Variants in PCLO observed in about 807,000 individuals in gnomAD.
The protein encoded by PCLO is protein piccolo.
A neutral mutation model predicts 427.5 loss-of-function variants in PCLO; 82 were observed. That is an observed-to-expected ratio of 0.19 (90% confidence interval 0.16 to 0.23). The LOEUF is 0.23. Ranked by LOEUF, PCLO falls within the 10% of genes least tolerant of loss-of-function variation. PCLO has a pLI of 1.00. For synonymous variants in PCLO, 2,357 were observed against 2,155.4 expected, an observed-to-expected ratio of 1.09 and a Z score of -2.59; for missense variants, 6,239 against 6,115.9, an observed-to-expected ratio of 1.02 and a Z score of -0.67.
intron 1 of PCLO, among the ~76,000 whole-genome samples, chr7:83,156,664 T>C (rs910906824): frequency 1.3e-5 from 2 of 151,534 alleles, no homozygotes; most frequent in African/African-American, 4.8e-5. Context: ...AATTAGAAAA[T>C]ACTTATAATA....
rs1320515940 is a variant in PCLO, at chr7:82,908,887, T to C, written c.13427A>G (p.His4476Arg). The C allele has an allele frequency of 3.1e-6, 5 of 1,612,080 alleles. No homozygotes were observed. In the South Asian group the frequency reaches 4.4e-5, roughly 14 times the overall value. The stretch of plus-strand genomic sequence containing the variant: ...AAATATAGCACTTACTTGCTCTTGA[T>C]GTTGACTGAGTGGTCTAGAGTGGAC... ...RLVHSRPLSQ[H>R]QEQIIQMNGK... The change falls in exon 8 of 25, where the codon CAT (histidine) becomes CGT (arginine). Residue 4476 changes from histidine to arginine, a missense_variant. Transcript: ENST00000333891.
At chr7:82,854,126 C>T (rs1266128229) in intron 10 of PCLO, among the ~76,000 whole-genome samples, 1 of 152,136 alleles carries the variant, frequency 6.6e-6, no homozygotes, top group Non-Finnish European at 1.5e-5. Context: ...CATCTCCTCT[C>T]ATGGCCCTCT....
chr7:83,070,006 C>A (rs1789771728), intron 3 of PCLO, among the ~76,000 whole-genome samples: 1 of 152,082 alleles, frequency 6.6e-6, no homozygotes, highest in Non-Finnish European at 1.5e-5. Context: ...TAATGACTCA[C>A]TTCTAAGAAT....
intron 9 of PCLO, chr7:82,879,898 A>C (rs557222128): frequency 2.3e-6 from 1 of 432,462 alleles, no homozygotes; most frequent in South Asian, 1.7e-5. Context: ...TAATTTATAA[A>C]GTGAAAACAT....
Position 82,830,650 on chromosome 7 carries a change from T to C in PCLO, c.14250-2684A>G, listed in dbSNP as rs138992754. Among the ~76,000 whole-genome samples the C allele has an allele frequency of 2.6e-3, 395 of 152,118 alleles. 1 individual carries two copies. Among genetic ancestry groups the C allele is most frequent in the African/African-American group, 9.0e-3 (374 of 41,552 alleles). On this transcript the variant is annotated intron_variant, in intron 16 of 24. Transcript: ENST00000333891. The stretch of plus-strand genomic sequence containing the variant: ...AGGTTATGGAAACCATATTAAGATT[T>C]ATAATACACTGAACAGTAATAAAAT...
chr7:83,131,714 G>C (rs1308940997), intron 3 of PCLO, among the ~76,000 whole-genome samples: 1 of 151,900 alleles, frequency 6.6e-6, no homozygotes, highest in Non-Finnish European at 1.5e-5. Context: ...TGGAAGTACG[G>C]TACTAACCAG....
chr7:82,875,663 AGT>A (rs1287683804), intron 10 of PCLO, among the ~76,000 whole-genome samples: 1 of 152,100 alleles, frequency 6.6e-6, no homozygotes, highest in Non-Finnish European at 1.5e-5. Context: ...GTGCTGCAAA[AGT>A]GTTAAAATGT....
intron 22 of PCLO, among the ~76,000 whole-genome samples, chr7:82,791,102 T>G (rs1791091409): frequency 6.6e-6 from 1 of 152,174 alleles, no homozygotes; most frequent in Admixed American, 6.5e-5. Context: ...GGTAATACCT[T>G]ATTATAAAGG....
chr7:82,949,041 CAT>C (rs1373772384), intron 6 of PCLO, among the ~76,000 whole-genome samples: 1 of 152,160 alleles, frequency 6.6e-6, no homozygotes, highest in Non-Finnish European at 1.5e-5. Flanking sequence ...GGTCTAAATT[CAT>C]AGTCACCTTT....
At chr7:83,093,472 G>GTGTGTGTGTGTGTGTGTGTATATATA (rs745824155) in intron 3 of PCLO, among the ~76,000 whole-genome samples, 1 of 99,194 alleles carries the variant, frequency 1.0e-5, no homozygotes, top group African/African-American at 4.6e-5. Context: ...ATGTGTGTGT[G>GTGTGTGTGTGTGTGTGTGTATATATA]TATAGATATA....
rs748409468 is a variant in PCLO at position 82,916,523 on chromosome 7, T to C, written c.11463A>G (p.Arg3821=). 1 of 1,613,720 alleles carries C rather than the reference T, an allele frequency of 6.2e-7. No individual in the cohort carries two copies. Among genetic ancestry groups the C allele is most frequent in the Non-Finnish European group, 8.5e-7 (1 of 1,179,748 alleles). The part of the protein sequence containing the change: ...ALLKEREKRE[R]AYLQGVAEDR... ...CCTCAGCTACTCCCTGGAGGTAGGCTCGTTCTCTCTTTTCTCTCTCCTTTA... is the reference window on the plus strand; with the variant it reads ...CCTCAGCTACTCCCTGGAGGTAGGCCCGTTCTCTCTTTTCTCTCTCCTTTA... Residue 3821 remains arginine (R), a synonymous_variant, in exon 7 of 25, where the codon CGA becomes CGG. Coordinates refer to ENST00000333891, the MANE Select transcript of PCLO (RefSeq NM_033026.6).
chr7:82,981,242 T>TA (rs918139750), intron 3 of PCLO, among the ~76,000 whole-genome samples: 124 of 142,338 alleles, frequency 8.7e-4, no homozygotes, highest in Middle Eastern at 3.5e-3. Context: ...ACCTGACCAT[T>TA]AAAAAAAAAA....
At chr7:83,157,018 G>A (rs948205417) in intron 1 of PCLO, among the ~76,000 whole-genome samples, 3 of 152,096 alleles carry the variant, frequency 2.0e-5, no homozygotes, top group African/African-American at 7.2e-5. Flanking sequence ...TCCCAGGAAT[G>A]CTAAAAAGTT....
intron 2 of PCLO, among the ~76,000 whole-genome samples, chr7:83,145,498 T>C (rs1047941096): frequency 6.6e-6 from 1 of 152,154 alleles, no homozygotes; most frequent in Non-Finnish European, 1.5e-5. Flanking sequence ...TGATCTCCTA[T>C]AAAAAGGTGC....
At chr7:82,974,195 T>C (rs562927767) in intron 3 of PCLO, among the ~76,000 whole-genome samples, 22 of 152,232 alleles carry the variant, frequency 1.4e-4, no homozygotes, top group Non-Finnish European at 2.5e-4. Flanking sequence ...GAGACCAGCC[T>C]GGCCAAAATG....
chr7:82,869,798 C>T (rs544016557), intron 10 of PCLO, among the ~76,000 whole-genome samples: 9 of 151,990 alleles, frequency 5.9e-5, no homozygotes, highest in Non-Finnish European at 1.3e-4. Context: ...CTATTTAAAA[C>T]AGCTACAGTA....
chr7:83,090,076 G>A (rs2116434361), intron 3 of PCLO, among the ~76,000 whole-genome samples: 1 of 152,222 alleles, frequency 6.6e-6, no homozygotes, highest in South Asian at 2.1e-4. Context: ...AGGCCGAGGT[G>A]GACGGATCAC....
chr7:82,906,127 A>G (rs1223546144), intron 8 of PCLO, among the ~76,000 whole-genome samples: 1 of 151,886 alleles, frequency 6.6e-6, no homozygotes, highest in African/African-American at 2.4e-5. Flanking sequence ...GGACTTTAAG[A>G]TTCGGTTTAT....
At chr7:83,051,175 C>G (rs1389418340) in intron 3 of PCLO, among the ~76,000 whole-genome samples, 1 of 152,012 alleles carries the variant, frequency 6.6e-6, no homozygotes, top group African/African-American at 2.4e-5. Context: ...TTTCACCTCT[C>G]ATCACACCTA....
Sources: gnomAD v4.1 joint callset for allele counts (sites outside exome capture counted in the v4.1 genomes callset) on GRCh38, gnomAD v4.1.1 for gene constraint, MANE v1.5 for transcripts, NCBI Gene and HGNC (gene_info 2026-07-23, HGNC 2026-07-21) for gene names.